The following TUBGCP3 variants were observed in gnomAD, a reference collection of about 807,000 sequenced individuals.
TUBGCP3 encodes tubulin gamma complex component 3.
A neutral mutation model predicts 123.1 loss-of-function variants in TUBGCP3; 50 were observed. That is an observed-to-expected ratio of 0.41 (90% CI 0.32 to 0.51). The LOEUF (loss-of-function observed/expected upper bound fraction) is 0.51. Ranked by LOEUF, TUBGCP3 falls within the 20% of genes least tolerant of loss-of-function variation. TUBGCP3 has a pLI of 0.36. For synonymous variants in TUBGCP3, 405 were observed against 413.9 expected, an observed-to-expected ratio of 0.98 and a Z score of 0.26; for missense variants, 882 against 1,127.0, an observed-to-expected ratio of 0.78 and a Z score of 3.11.
At chr13:112,504,184 G>T in intron 18 of TUBGCP3, 21 bp from the exon 19 acceptor site, 1 of 1,613,936 alleles carries the variant, frequency 6.2e-7, no homozygotes, top group Non-Finnish European at 8.5e-7. Context: ...ACAATTTAAA[G>T]ACGCTAGATA....
rs928080916 is a variant in TUBGCP3 at position 112,524,590 on chromosome 13, A to C, written c.1556-2081T>G. Among the ~76,000 whole-genome samples, 3 of 152,180 alleles carry C rather than the reference A, an allele frequency of 2.0e-5. No homozygotes were observed. Among genetic ancestry groups the C allele is most frequent in the Non-Finnish European group, 4.4e-5 (3 of 68,036 alleles). On this transcript the variant is annotated intron_variant, in intron 13 of 21. Coordinates refer to ENST00000261965, the MANE Select transcript of TUBGCP3 (RefSeq NM_006322.6). This position sits in a 1 kb window ranked among gnomAD's most constrained non-coding sequence, Gnocchi z 4.4. ...CCAAAATCTATATTGGATCACATCT[A>C]TCTCTATTCCAGGAACAATCTGGGG...
rs1876931155 is a variant in TUBGCP3 at position 112,524,983 on chromosome 13, T to C, written c.1555+1959A>G. On this transcript the variant is annotated intron_variant, in intron 13 of 21. Coordinates refer to ENST00000261965, the MANE Select transcript of TUBGCP3 (RefSeq NM_006322.6). The surrounding 1 kb of genome is among the most constrained non-coding windows in gnomAD (Gnocchi z 4.4). ...ACTTGGCCTCACGAGCTCAGAGTTC[T>C]AGTGCCATCACTGACTCTTCCTGAT... 6.6e-6 allele frequency among the ~76,000 whole-genome samples: 1 copy of C among 152,178 alleles called. No individual in the cohort carries two copies. The highest frequency in any genetic ancestry group is 2.4e-5 in the African/African-American group (1 of 41,448).
intron 8 of TUBGCP3, among the ~76,000 whole-genome samples, chr13:112,549,979 G>C (rs1220211650): frequency 1.7e-5 from 2 of 119,482 alleles, no homozygotes; most frequent in African/African-American, 3.3e-5. Flanking sequence ...GACAGGGTGA[G>C]ACTCCATCTC....
At chr13:112,532,240 T>C (rs1594154714) in intron 11 of TUBGCP3, among the ~76,000 whole-genome samples, 1 of 152,238 alleles carries the variant, frequency 6.6e-6, no homozygotes, top group Non-Finnish European at 1.5e-5. Flanking sequence ...AATTACAATA[T>C]TTCAAGAGGT....
Position 112,545,842 on chromosome 13 carries a change from A to C in TUBGCP3, c.1192T>G (p.Ser398Ala), listed in dbSNP as rs1356605472. 3.1e-6 allele frequency: 5 copies of C among 1,612,784 alleles called. No homozygotes were observed. Among genetic ancestry groups the C allele is most frequent in the Admixed American group, 1.7e-5 (1 of 59,998 alleles). ...CQGRKGGELA[S>A]AVHAYTKTGD... Reference sequence around the variant, plus strand: ...GTTTTTGTGTAGGCGTGGACAGCTGAGGCCAGCTCACCTCCTTTCCTTCCT... The same window carrying C: ...GTTTTTGTGTAGGCGTGGACAGCTGCGGCCAGCTCACCTCCTTTCCTTCCT... Residue 398 changes from serine to alanine, a missense_variant, in exon 11 of 22, where the codon TCA (serine) becomes GCA (alanine). By Grantham distance (99) the Ser-to-Ala change is moderately conservative. Coordinates refer to ENST00000261965, the MANE Select transcript of TUBGCP3 (RefSeq NM_006322.6). The surrounding 1 kb of genome is among the most constrained non-coding windows in gnomAD (Gnocchi z 4.1).
intron 17 of TUBGCP3, among the ~76,000 whole-genome samples, chr13:112,506,750 T>C (rs947122424): frequency 1.3e-5 from 2 of 152,226 alleles, no homozygotes; most frequent in Non-Finnish European, 1.5e-5. Context: ...AGATTTCAAA[T>C]CAAATAATAC....
At chr13:112,562,791 T>C (rs989134383) in intron 3 of TUBGCP3, among the ~76,000 whole-genome samples, 1 of 152,182 alleles carries the variant, frequency 6.6e-6, no homozygotes, top group Non-Finnish European at 1.5e-5. Flanking sequence ...GTGCACAAAC[T>C]GAATTGTACG....
At chr13:112,603,090 C>T in the TUBGCP3 span, 1 of 152,138 alleles carries the variant, frequency 6.6e-6, no homozygotes, top group Non-Finnish European at 1.5e-5. Context: ...TACTTCCTCG[C>T]GCCTGCATTC....
chr13:112,498,779 G>A lies in TUBGCP3; in HGVS notation c.2448+266C>T. On this transcript the variant is annotated intron_variant, in intron 20 of 21. Coordinates refer to ENST00000261965, the MANE Select transcript of TUBGCP3 (RefSeq NM_006322.6). ...GGTGACATCGGCATTGTGGCACTCA[G>A]TAATGAAAACGGGCAGGAGATTTGT... is the stretch of plus-strand genomic sequence containing the variant. 4 of 1,544,328 alleles carry A rather than the reference G, an allele frequency of 2.6e-6. No individual in the cohort carries two copies. The South Asian group carries it at 3.6e-5, about 14-fold the overall frequency.
intron 20 of TUBGCP3, among the ~76,000 whole-genome samples, chr13:112,491,043 C>G (rs761941594): frequency 6.6e-6 from 1 of 152,296 alleles, no homozygotes; most frequent in South Asian, 2.1e-4. Context: ...CTTCTCCTCC[C>G]GCTACCTCTC....
chr13:112,511,490 C>T lies in TUBGCP3; in HGVS notation c.2086+4950G>A, dbSNP rs1027225984. Among the ~76,000 whole-genome samples, 2 of 152,086 alleles carry T rather than the reference C, an allele frequency of 1.3e-5. No individual in the cohort carries two copies. Among genetic ancestry groups the T allele is most frequent in the African/African-American group, 4.8e-5 (2 of 41,406 alleles). ...TTGAAGGCAATGAACCGCAGCTGGG[C>T]CGGTACTAAAGGCTGTGCTGCCGGA... On this transcript the variant is annotated intron_variant, in intron 17 of 21. Coordinates refer to ENST00000261965, the MANE Select transcript of TUBGCP3 (RefSeq NM_006322.6). The surrounding 1 kb of genome is among the most constrained non-coding windows in gnomAD (Gnocchi z 4.1).
intron 11 of TUBGCP3, among the ~76,000 whole-genome samples, chr13:112,537,185 T>C (rs532993005): frequency 7.1e-6 from 1 of 140,178 alleles, no homozygotes; most frequent in East Asian, 2.3e-4. Context: ...ATCCTGGCCA[T>C]AACTTTCTCA....
chr13:112,541,793 T>C (rs901718733), intron 11 of TUBGCP3, among the ~76,000 whole-genome samples: 2 of 152,268 alleles, frequency 1.3e-5, no homozygotes, highest in Admixed American at 1.3e-4. Flanking sequence ...CTCCAATCTC[T>C]GAAGAAAACC....
At chr13:112,549,063 T>C (rs962063658) in intron 8 of TUBGCP3, among the ~76,000 whole-genome samples, 4 of 152,230 alleles carry the variant, frequency 2.6e-5, no homozygotes, top group Admixed American at 2.6e-4. Flanking sequence ...CTATTCACAA[T>C]AGCAAAGACT....
intron 1 of TUBGCP3, among the ~76,000 whole-genome samples, chr13:112,580,861 A>G (rs1412600306): frequency 6.6e-6 from 1 of 152,206 alleles, no homozygotes; most frequent in Non-Finnish European, 1.5e-5. Flanking sequence ...TGTTGATTCT[A>G]TTTCTAAAAG....
In TUBGCP3 at chr13:112,555,950, TAA is replaced by T. The variant is rs922446099; in HGVS notation, c.721+100_721+101del. ...CATCATAAGAACAAGAAGAAACCAC[TAA>T]AAGGTTTGAGGTGGGGCTCCTGGGC... On this transcript the variant is annotated intron_variant, in intron 6 of 21. Coordinates refer to ENST00000261965, the MANE Select transcript of TUBGCP3 (RefSeq NM_006322.6). 36 of 1,316,174 alleles carry T rather than the reference TAA, an allele frequency of 2.7e-5. No individual in the cohort carries two copies. The African/African-American group carries it at 5.1e-4, about 19-fold the overall frequency. The allele number at this position is 1,316,174 out of a possible 1,614,324, so 81.5% of individuals were successfully genotyped here.
In TUBGCP3 at chr13:112,524,582, T is replaced by C. The variant is rs2139078978; in HGVS notation, c.1556-2073A>G. Among the ~76,000 whole-genome samples, 3 of 152,312 alleles carry C rather than the reference T, an allele frequency of 2.0e-5. No homozygotes were observed. The highest frequency in any genetic ancestry group is 2.0e-4 in the Admixed American group (3 of 15,308). On this transcript the variant is annotated intron_variant, in intron 13 of 21. Coordinates refer to ENST00000261965, the MANE Select transcript of TUBGCP3 (RefSeq NM_006322.6). This position sits in a 1 kb window ranked among gnomAD's most constrained non-coding sequence, Gnocchi z 4.4. Reference sequence around the variant, plus strand: ...GCATTTCCCCAAAATCTATATTGGATCACATCTATCTCTATTCCAGGAACA... The same window carrying C: ...GCATTTCCCCAAAATCTATATTGGACCACATCTATCTCTATTCCAGGAACA...
intron 11 of TUBGCP3, among the ~76,000 whole-genome samples, chr13:112,529,311 G>A (rs1014432625): frequency 3.9e-5 from 6 of 152,170 alleles, no homozygotes; most frequent in African/African-American, 7.2e-5. Flanking sequence ...CTGAGCTAAG[G>A]ATGCCTCATC....
chr13:112,597,506 A>T, the TUBGCP3 span, among the ~76,000 whole-genome samples: 1 of 152,366 alleles, frequency 6.6e-6, no homozygotes, highest in African/African-American at 2.4e-5. Context: ...AACCAAGAGA[A>T]ACAACAGAAA....
Sources: gnomAD v4.1 joint callset for allele counts (sites outside exome capture counted in the v4.1 genomes callset) on GRCh38, gnomAD v4.1.1 for gene constraint, Gnocchi (gnomAD v3.1) non-coding constraint, MANE v1.5 for transcripts, NCBI Gene and HGNC (gene_info 2026-07-23, HGNC 2026-07-21) for gene names.